Variants in BLNK observed in about 807,000 individuals in gnomAD.
The protein encoded by BLNK is B cell linker, also known as B-cell linker protein.
In BLNK, 29 loss-of-function variants were observed where a neutral mutation model predicts 73.5. The observed-to-expected ratio is 0.39, with a 90% CI of 0.29 to 0.54. BLNK has a LOEUF of 0.54. Ranked by LOEUF, BLNK falls within the 20% of genes least tolerant of loss-of-function variation. BLNK has a pLI of 0.61. For synonymous variants in BLNK, 176 were observed against 200.8 expected (o/e 0.88, Z 1.04); for missense variants, 460 against 562.8 (o/e 0.82, Z 1.85).
At chr10:96,238,003 C>A (rs1193651009) in intron 3 of BLNK, among the ~76,000 whole-genome samples, 2 of 152,228 alleles carry the variant, frequency 1.3e-5, no homozygotes, top group Non-Finnish European at 2.9e-5. Flanking sequence ...TTTTGGATAT[C>A]TTCCCTTCCC....
At chr10:96,229,471 G>C (rs1842412157) in intron 4 of BLNK, among the ~76,000 whole-genome samples, 1 of 152,164 alleles carries the variant, frequency 6.6e-6, no homozygotes. Context: ...TCAGTCTTTA[G>C]TACAGCTGGT....
intron 8 of BLNK, 46 bp downstream of exon 8, chr10:96,215,275 A>G (rs1181844950): frequency 2.6e-6 from 4 of 1,553,644 alleles, no homozygotes; most frequent in Admixed American, 1.7e-5. Flanking sequence ...TGTTTTTCTT[A>G]TTTGAAATAG....
At chr10:96,250,446 AAGAGAG>A (rs56871307) in intron 1 of BLNK, among the ~76,000 whole-genome samples, 2 of 136,542 alleles carry the variant, frequency 1.5e-5, no homozygotes, top group Admixed American at 1.4e-4. Context: ...GGAAGAGAGA[AAGAGAG>A]AGAGAGAGAG....
intron 1 of BLNK, among the ~76,000 whole-genome samples, chr10:96,268,504 G>A (rs923332687): frequency 1.3e-5 from 2 of 151,896 alleles, no homozygotes; most frequent in East Asian, 1.9e-4. Flanking sequence ...AGCAGGCCTC[G>A]GTGGGAGCAA....
chr10:96,217,018 T>C (rs1276776018), intron 6 of BLNK, among the ~76,000 whole-genome samples: 1 of 152,192 alleles, frequency 6.6e-6, no homozygotes, highest in African/African-American at 2.4e-5. Flanking sequence ...ATCTACTTTC[T>C]TTCTCTATAG....
intron 3 of BLNK, among the ~76,000 whole-genome samples, chr10:96,231,786 A>G (rs1842509707): frequency 6.6e-6 from 1 of 151,898 alleles, no homozygotes; most frequent in Non-Finnish European, 1.5e-5. Flanking sequence ...GGCCTAGAGC[A>G]GATAAGTCAC....
intron 6 of BLNK, among the ~76,000 whole-genome samples, chr10:96,219,616 T>G (rs2084148483): frequency 6.6e-6 from 1 of 152,244 alleles, no homozygotes; most frequent in East Asian, 1.9e-4. Context: ...CTCTGTATTC[T>G]TAATTTTGTA....
At chr10:96,256,182 C>T (rs916543664) in intron 1 of BLNK, among the ~76,000 whole-genome samples, 18 of 152,024 alleles carry the variant, frequency 1.2e-4, no homozygotes, top group Non-Finnish European at 2.1e-4. Flanking sequence ...GCTTTATCCA[C>T]GTATACTTGG....
At chr10:96,214,127 T>G (rs1452413112) in intron 8 of BLNK, among the ~76,000 whole-genome samples, 1 of 152,088 alleles carries the variant, frequency 6.6e-6, no homozygotes, top group Non-Finnish European at 1.5e-5. Flanking sequence ...GAAGAGAGTG[T>G]GTGTGTATGA....
intron 6 of BLNK, among the ~76,000 whole-genome samples, chr10:96,221,519 C>T (rs1554901152): frequency 6.6e-6 from 1 of 152,152 alleles, no homozygotes; most frequent in African/African-American, 2.4e-5. Context: ...CCAGAACGCC[C>T]CCGCCTTCAT....
At chr10:96,203,463 T>C (rs587765800) in intron 13 of BLNK, 230 of 152,396 alleles carry the variant, frequency 1.5e-3, no homozygotes, top group African/African-American at 5.4e-3. Context: ...AAATTATCTA[T>C]GTAAAGCAGA....
intron 1 of BLNK, among the ~76,000 whole-genome samples, chr10:96,250,681 A>G (rs1462763824): frequency 2.0e-5 from 3 of 152,236 alleles, no homozygotes; most frequent in Non-Finnish European, 2.9e-5. Context: ...GCCAATTTGC[A>G]TAAGTGATTT....
At chr10:96,215,985 C>T (rs587672465) in intron 7 of BLNK, 64 of 159,624 alleles carry the variant, frequency 4.0e-4, no homozygotes, top group Admixed American at 5.3e-4. Context: ...TACATGATGG[C>T]GGACTGAAAC....
At chr10:96,227,055 G>A (rs1016231930) in intron 5 of BLNK, among the ~76,000 whole-genome samples, 2 of 152,200 alleles carry the variant, frequency 1.3e-5, no homozygotes, top group African/African-American at 2.4e-5. Flanking sequence ...TTGAGCACAC[G>A]AAGCCCTAAA....
chr10:96,214,353 G>A lies in BLNK; in HGVS notation c.676+968C>T, dbSNP rs143388387. 8.7e-3 allele frequency among the ~76,000 whole-genome samples: 1,330 copies of A among 152,274 alleles called. 30 individuals are homozygous for A. Among genetic ancestry groups the A allele is most frequent in the Non-Finnish European group, 8.7e-3 (590 of 68,028 alleles). ...AACCAGGAACATTCATGGTTTGGGG[G>A]TAGGGGTGACATGGCAAAGACTAGC... On this transcript the variant is annotated intron_variant, in intron 8 of 16. Transcript: ENST00000224337.
intron 1 of BLNK, among the ~76,000 whole-genome samples, chr10:96,252,340 C>T (rs1429928777): frequency 2.0e-5 from 3 of 152,184 alleles, no homozygotes; most frequent in African/African-American, 7.2e-5. Flanking sequence ...CATGAGCCAC[C>T]ATGCCCAGCT....
At chr10:96,234,475 T>A (rs1554904719) in intron 3 of BLNK, among the ~76,000 whole-genome samples, 1 of 152,200 alleles carries the variant, frequency 6.6e-6, no homozygotes, top group African/African-American at 2.4e-5. Flanking sequence ...CAGGTGGTAG[T>A]TTAGAGCCAG....
intron 1 of BLNK, among the ~76,000 whole-genome samples, chr10:96,256,674 A>G (rs1843527909): frequency 6.6e-6 from 1 of 152,182 alleles, no homozygotes; most frequent in African/African-American, 2.4e-5. Context: ...TGAGGTCAGG[A>G]GTTCAAGACC....
intron 6 of BLNK, among the ~76,000 whole-genome samples, chr10:96,220,875 C>A (rs1457645648): frequency 6.6e-6 from 1 of 152,132 alleles, no homozygotes; most frequent in African/African-American, 2.4e-5. Context: ...ACATGTTTGC[C>A]TCCCCCTAGG....
Sources: gnomAD v4.1 joint callset for allele counts (sites outside exome capture counted in the v4.1 genomes callset) on GRCh38, gnomAD v4.1.1 for gene constraint, MANE v1.5 for transcripts, NCBI Gene and HGNC (gene_info 2026-07-23, HGNC 2026-07-21) for gene names.